Variants in TUT4 observed in about 807,000 individuals in gnomAD.
The protein encoded by TUT4 is terminal uridylyltransferase 4.
Under a neutral mutation model 192.2 loss-of-function variants are expected in TUT4, and 36 were observed. The ratio of observed to expected loss-of-function variants is 0.19; its 90% CI spans 0.14 to 0.25. The LOEUF is 0.25. TUT4 is among the 10% of genes least tolerant of loss of function. The pLI is 1.00. For synonymous variants in TUT4, 618 were observed against 666.0 expected, an observed-to-expected ratio of 0.93 and a Z score of 1.11; for missense variants, 1,493 against 1,957.2, an observed-to-expected ratio of 0.76 and a Z score of 4.47.
At chr1:52,527,726 G>T (rs1682198370) in intron 1 of TUT4, among the ~76,000 whole-genome samples, 1 of 152,044 alleles carries the variant, frequency 6.6e-6, no homozygotes. Flanking sequence ...GGGTGATAAG[G>T]TATCAATGCG....
At chr1:52,472,239 AC>A (rs879456590) in intron 13 of TUT4, 137 bp from the exon 14 acceptor site, 77 of 889,120 alleles carry the variant, frequency 8.7e-5, no homozygotes, top group Non-Finnish European at 1.1e-4. Context: ...AAAAAAAAAA[AC>A]ATGTTGTTAA....
At chr1:52,477,957 C>A (rs1043076324) in intron 11 of TUT4, 75 bp from the exon 12 acceptor site, 1 of 1,350,794 alleles carries the variant, frequency 7.4e-7, no homozygotes, top group Non-Finnish European at 9.9e-7. Flanking sequence ...TTAGAGAAGA[C>A]CTTGGAGATC....
rs1674394830 is a variant in TUT4 at position 52,502,434 on chromosome 1, C to T, written c.1000-5251G>A. On this transcript the variant is annotated intron_variant, in intron 4 of 29. Coordinates refer to ENST00000257177, the MANE Select transcript of TUT4 (RefSeq NM_001009881.3). ...GCTTAAAAGTCAAATATTCAGCGAA[C>T]CCTTAATATCTTTCTTTTCCAACAT... Among the ~76,000 whole-genome samples, 3 of 151,992 alleles carry T rather than the reference C, an allele frequency of 2.0e-5. No individual in the cohort carries two copies. In the South Asian group the frequency reaches 6.2e-4, roughly 32 times the overall value.
chr1:52,536,561 AAG>A lies in TUT4; in HGVS notation c.-93-10190_-93-10189del, dbSNP rs200360499. 3.3e-5 allele frequency among the ~76,000 whole-genome samples: 5 copies of A among 152,212 alleles called. No individual in the cohort carries two copies. In the East Asian group the frequency reaches 9.6e-4, roughly 29 times the overall value. Reference sequence around the variant, plus strand: ...AAATGAATTAAACTTTCCAATTAAAAAGAGAGATTGGCCAGGCGTGGTGGCTC... The same window carrying A: ...AAATGAATTAAACTTTCCAATTAAAAAGAGATTGGCCAGGCGTGGTGGCTC... On this transcript the variant is annotated intron_variant, in intron 1 of 29. Coordinates refer to ENST00000257177, the MANE Select transcript of TUT4 (RefSeq NM_001009881.3).
chr1:52,456,908 A>C (rs1661137546), intron 20 of TUT4, among the ~76,000 whole-genome samples: 1 of 152,206 alleles, frequency 6.6e-6, no homozygotes, highest in Non-Finnish European at 1.5e-5. Flanking sequence ...GTTGTAAAAA[A>C]TGTACCACTC....
intron 29 of TUT4, chr1:52,424,301 T>C: frequency 2.8e-6 from 1 of 350,894 alleles, no homozygotes; most frequent in South Asian, 3.0e-5. Flanking sequence ...AGTAACTTCC[T>C]TCAGCCCCAG....
At chr1:52,532,609 C>T (rs12069798) in intron 1 of TUT4, among the ~76,000 whole-genome samples, 4,269 of 152,230 alleles carry the variant, frequency 0.028, 139 homozygotes, top group African/African-American at 0.08. Context: ...CCATGCCCGG[C>T]CTTACCTATT....
intron 2 of TUT4, among the ~76,000 whole-genome samples, chr1:52,520,416 G>A (rs1225084551): frequency 6.6e-6 from 1 of 152,164 alleles, no homozygotes; most frequent in Non-Finnish European, 1.5e-5. Context: ...GTTGGTGCAG[G>A]CTGCTTGAAA....
intron 6 of TUT4, among the ~76,000 whole-genome samples, chr1:52,494,596 A>C (rs1490788838): frequency 6.6e-6 from 1 of 152,104 alleles, no homozygotes; most frequent in Non-Finnish European, 1.5e-5. Context: ...GGAGGCTGAG[A>C]CAGGAGAATC....
At chr1:52,510,976 A>G (rs1293072239) in intron 3 of TUT4, among the ~76,000 whole-genome samples, 1 of 152,218 alleles carries the variant, frequency 6.6e-6, no homozygotes, top group Non-Finnish European at 1.5e-5. Context: ...AAACTTTAGC[A>G]ATGCTTAGTT....
chr1:52,425,647 T>C (rs1402636668), intron 28 of TUT4, 140 bp from the exon 29 acceptor site: 4 of 1,027,926 alleles, frequency 3.9e-6, no homozygotes. Context: ...AAACAAACTT[T>C]TTTAAAGAAT....
chr1:52,440,078 C>G (rs559373511), intron 24 of TUT4, among the ~76,000 whole-genome samples: 142 of 152,202 alleles, frequency 9.3e-4, no homozygotes, highest in Non-Finnish European at 1.2e-3. Context: ...GGCAAATCTA[C>G]AGAGACAAAA....
chr1:52,549,163 G>A (rs550077895), intron 1 of TUT4, among the ~76,000 whole-genome samples: 4 of 152,146 alleles, frequency 2.6e-5, no homozygotes, highest in African/African-American at 9.6e-5. Flanking sequence ...GGAAGCCAAG[G>A]AGAAAAAAAT....
At chr1:52,548,099 G>C (rs1403109438) in intron 1 of TUT4, among the ~76,000 whole-genome samples, 1 of 152,070 alleles carries the variant, frequency 6.6e-6, no homozygotes, top group African/African-American at 2.4e-5. Flanking sequence ...CCCCAGACCA[G>C]AGAATAAGGG....
At chr1:52,454,444 C>A (rs944087067) in intron 20 of TUT4, among the ~76,000 whole-genome samples, 6 of 152,166 alleles carry the variant, frequency 3.9e-5, no homozygotes, top group Admixed American at 2.6e-4. Context: ...TCAACTGATC[C>A]TTGACAAAGG....
rs113558339 is a variant in TUT4, at chr1:52,539,902, G to A, written c.-94+13029C>T. On this transcript the variant is annotated intron_variant, in intron 1 of 29. Transcript: ENST00000257177. The stretch of plus-strand genomic sequence containing the variant: ...GCCTGGGTGACAAGAGCAAGACTCC[G>A]TCTTAAAAAAAAAAAAACAAAAAAA... Among the ~76,000 whole-genome samples the A allele has an allele frequency of 4.5e-3, 625 of 140,212 alleles. 4 individuals are homozygous for A. The highest frequency in any genetic ancestry group is 0.017 in the African/African-American group (580 of 34,120). 92.0% of individuals were successfully genotyped at this position (140,212 alleles called of 152,430 possible).
chr1:52,541,496 C>T lies in TUT4; in HGVS notation c.-94+11435G>A, dbSNP rs181228326. Among the ~76,000 whole-genome samples, 60 of 151,638 alleles carry T rather than the reference C, an allele frequency of 4.0e-4. No homozygotes were observed. In the East Asian group the frequency reaches 9.5e-3, roughly 24 times the overall value. On this transcript the variant is annotated intron_variant, in intron 1 of 29. Transcript: ENST00000257177. ...GCAGTGAGCCAAGATCGCGCCATTG[C>T]GCTCCAGCCTGGGTGACAGAGCGAG...
At chr1:52,483,289 T>G (rs752299451) in intron 9 of TUT4, among the ~76,000 whole-genome samples, 25 of 152,332 alleles carry the variant, frequency 1.6e-4, no homozygotes, top group Non-Finnish European at 2.2e-4. Context: ...ATCCAATACA[T>G]CAATTTATAA....
At chr1:52,496,401 C>T (rs182152734) in intron 5 of TUT4, among the ~76,000 whole-genome samples, 191 of 151,962 alleles carry the variant, frequency 1.3e-3, no homozygotes, top group Middle Eastern at 6.8e-3. Flanking sequence ...ATTTTATATT[C>T]TTTCTTATAA....
Sources: gnomAD v4.1 joint callset for allele counts (sites outside exome capture counted in the v4.1 genomes callset) on GRCh38, gnomAD v4.1.1 for gene constraint, MANE v1.5 for transcripts, NCBI Gene and HGNC (gene_info 2026-07-23, HGNC 2026-07-21) for gene names.